MEGF10: variants seen among roughly 807,000 people sequenced by gnomAD.
The protein encoded by MEGF10 is multiple epidermal growth factor-like domains protein 10.
MEGF10 carries 86 observed loss-of-function variants against 147.5 expected under a neutral mutation model. That is an observed-to-expected ratio of 0.58 (90% CI 0.49 to 0.70). MEGF10 has a LOEUF of 0.70. MEGF10 is among the 30% of genes least tolerant of loss of function. The pLI is 0.00. For missense variants in MEGF10, 1,329 were observed against 1,487.3 expected (o/e 0.89, Z 1.75); for synonymous variants, 478 against 525.5 (o/e 0.91, Z 1.24).
At chr5:127,391,534 C>T (rs1410149172) in intron 5 of MEGF10, among the ~76,000 whole-genome samples, 1 of 150,502 alleles carries the variant, frequency 6.6e-6, no homozygotes, top group Non-Finnish European at 1.5e-5. Flanking sequence ...CGCACCACTG[C>T]ACTCCAGCCT....
intron 8 of MEGF10, among the ~76,000 whole-genome samples, chr5:127,405,642 T>C (rs1343666197): frequency 6.6e-6 from 1 of 152,154 alleles, no homozygotes; most frequent in Non-Finnish European, 1.5e-5. Flanking sequence ...GCCTCCAAAT[T>C]AATGTTGACA....
intron 5 of MEGF10, among the ~76,000 whole-genome samples, chr5:127,375,782 C>G (rs780020325): frequency 2.0e-5 from 3 of 152,170 alleles, no homozygotes; most frequent in South Asian, 2.1e-4. Context: ...CTCCATTGTG[C>G]CTGGCATGTG....
At chr5:127,423,467 GTTC>G (rs1252376734) in intron 13 of MEGF10, among the ~76,000 whole-genome samples, 3 of 152,164 alleles carry the variant, frequency 2.0e-5, no homozygotes, top group Non-Finnish European at 4.4e-5. Flanking sequence ...CAAAAACATT[GTTC>G]TTCTTCTAGG....
intron 5 of MEGF10, among the ~76,000 whole-genome samples, chr5:127,388,129 C>T (rs1198747035): frequency 6.6e-6 from 1 of 152,100 alleles, no homozygotes; most frequent in African/African-American, 2.4e-5. Flanking sequence ...AGCTTTCTAG[C>T]TTTTTTGTTT....
At chr5:127,438,588 G>A in intron 17 of MEGF10, 21 bp downstream of exon 17, 1 of 1,612,306 alleles carries the variant, frequency 6.2e-7, no homozygotes, top group East Asian at 2.2e-5. Flanking sequence ...AGCCTTCTGA[G>A]GCTCACCAAG....
chr5:127,410,320 C>G lies in MEGF10; in HGVS notation c.918-69C>G, dbSNP rs561839752. ...CGATTTATGCATAACAAAGCCATTC[C>G]AAATTAACTGTTTATTTTCACATGG... On this transcript the variant is annotated intron_variant, in intron 8 of 24. Transcript: ENST00000503335. 3.4e-6 allele frequency: 5 copies of G among 1,466,908 alleles called. No homozygotes were observed. In the East Asian group the frequency reaches 1.2e-4, roughly 34 times the overall value. 90.9% of individuals were successfully genotyped at this position (1,466,908 alleles called of 1,614,324 possible).
chr5:127,382,552 A>G (rs1310027653), intron 5 of MEGF10, among the ~76,000 whole-genome samples: 1 of 152,244 alleles, frequency 6.6e-6, no homozygotes, highest in Non-Finnish European at 1.5e-5. Context: ...TAAAATCAGT[A>G]TTATATAAGC....
At chr5:127,265,584 G>T in the MEGF10 span, among the ~76,000 whole-genome samples, 2 of 152,022 alleles carry the variant, frequency 1.3e-5, no homozygotes, top group African/African-American at 4.8e-5. Flanking sequence ...AGCACCTGTT[G>T]TTTCCTGACT....
At chr5:127,391,102 G>GCGCGCGCGCACACACACACA (rs1426600414) in intron 5 of MEGF10, among the ~76,000 whole-genome samples, 2 of 53,894 alleles carry the variant, frequency 3.7e-5, no homozygotes, top group Non-Finnish European at 1.0e-4. Flanking sequence ...GCGCGCGCGC[G>GCGCGCGCGCACACACACACA]CACACACACA....
chr5:127,253,500 G>A, the MEGF10 span, among the ~76,000 whole-genome samples: 1 of 151,868 alleles, frequency 6.6e-6, no homozygotes. Flanking sequence ...CATTGGAAAA[G>A]AAAATTATAA....
chr5:127,434,221 T>G (rs2127001549), intron 14 of MEGF10, among the ~76,000 whole-genome samples: 1 of 152,342 alleles, frequency 6.6e-6, no homozygotes, highest in East Asian at 1.9e-4. Flanking sequence ...GTCATTAACC[T>G]GGACCATTTT....
chr5:127,248,588 G>A, the MEGF10 span, among the ~76,000 whole-genome samples: 1 of 152,114 alleles, frequency 6.6e-6, no homozygotes, highest in African/African-American at 2.4e-5. Context: ...TTCCCTCAGT[G>A]GCTCAAGAGG....
chr5:127,247,320 GAAGAAGAAGAAGA>G, the MEGF10 span, among the ~76,000 whole-genome samples: 1 of 8,640 alleles, frequency 1.2e-4, no homozygotes, highest in Non-Finnish European at 4.9e-4. Context: ...GAAAGAGAGA[GAAGAAGAAGAAGA>G]AGAAGAAGAA....
At chr5:127,279,142 T>C in the MEGF10 span, among the ~76,000 whole-genome samples, 1 of 152,120 alleles carries the variant, frequency 6.6e-6, no homozygotes, top group Non-Finnish European at 1.5e-5. Context: ...CTGACCATGG[T>C]ATTTAAGCCA....
chr5:127,306,416 T>TA (rs918290392), intron 1 of MEGF10, among the ~76,000 whole-genome samples: 21 of 151,908 alleles, frequency 1.4e-4, no homozygotes, highest in Non-Finnish European at 2.4e-4. Context: ...AACAGTTCTT[T>TA]AAAAAAAACA....
chr5:127,256,331 G>A, the MEGF10 span, among the ~76,000 whole-genome samples: 6 of 152,162 alleles, frequency 3.9e-5, no homozygotes, highest in Admixed American at 3.9e-4. Flanking sequence ...AAAACAACCT[G>A]TGATGACAAA....
intron 13 of MEGF10, among the ~76,000 whole-genome samples, chr5:127,427,378 G>A (rs1003317455): frequency 6.6e-6 from 1 of 152,236 alleles, no homozygotes; most frequent in African/African-American, 2.4e-5. Context: ...CAGATAAAAA[G>A]GAGAATAGGA....
intron 5 of MEGF10, among the ~76,000 whole-genome samples, chr5:127,371,133 T>C (rs1762831878): frequency 6.6e-6 from 1 of 151,960 alleles, no homozygotes; most frequent in South Asian, 2.1e-4. Context: ...GTGCTGTCTG[T>C]GCACAGAACA....
At chr5:127,442,631 C>T (rs1459717164) in intron 18 of MEGF10, among the ~76,000 whole-genome samples, 1 of 152,166 alleles carries the variant, frequency 6.6e-6, no homozygotes, top group African/African-American at 2.4e-5. Flanking sequence ...AGTCTAGGCC[C>T]CTTCCAGCCT....
Sources: gnomAD v4.1 joint callset for allele counts (sites outside exome capture counted in the v4.1 genomes callset) on GRCh38, gnomAD v4.1.1 for gene constraint, MANE v1.5 for transcripts, NCBI Gene and HGNC (gene_info 2026-07-23, HGNC 2026-07-21) for gene names.